Variants in MMP16 observed in about 807,000 individuals in gnomAD.
MMP16 encodes the protein matrix metallopeptidase 16, also known as matrix metalloproteinase-16.
In MMP16, 12 loss-of-function variants were observed where a neutral mutation model predicts 67.8. The observed-to-expected ratio is 0.18, with a 90% confidence interval of 0.11 to 0.29. The LOEUF (loss-of-function observed/expected upper bound fraction) is 0.29. Ranked by LOEUF, MMP16 falls within the 10% of genes least tolerant of loss-of-function variation. The pLI is 1.00. For missense variants in MMP16, 475 were observed against 765.7 expected (o/e 0.62, Z 4.48); for synonymous variants, 249 against 255.9 (o/e 0.97, Z 0.26).
At chr8:88,267,240 T>A (rs1810490008) in intron 1 of MMP16, among the ~76,000 whole-genome samples, 1 of 152,184 alleles carries the variant, frequency 6.6e-6, no homozygotes, top group South Asian at 2.1e-4. Context: ...TCTGTGGTCA[T>A]CCATTGCCAT....
intron 6 of MMP16, among the ~76,000 whole-genome samples, chr8:88,100,686 A>C (rs530120600): frequency 1.3e-5 from 2 of 152,152 alleles, no homozygotes; most frequent in South Asian, 4.1e-4. Context: ...ATGTATGTTT[A>C]TTGTGGCACT....
intron 4 of MMP16, among the ~76,000 whole-genome samples, chr8:88,146,269 C>T (rs1808288436): frequency 6.6e-6 from 1 of 151,798 alleles, no homozygotes; most frequent in South Asian, 2.1e-4. Context: ...CAAAATATAC[C>T]TTATATGTAA....
At chr8:88,067,575 C>T (rs1808479786) in intron 7 of MMP16, among the ~76,000 whole-genome samples, 1 of 151,944 alleles carries the variant, frequency 6.6e-6, no homozygotes, top group Admixed American at 6.6e-5. Context: ...TTCTTCACAC[C>T]CAACTCTTGC....
chr8:88,062,339 T>G (rs1808409887), intron 7 of MMP16, among the ~76,000 whole-genome samples: 1 of 152,112 alleles, frequency 6.6e-6, no homozygotes, highest in South Asian at 2.1e-4. Flanking sequence ...ATCATGCTGC[T>G]ATAAAGACAT....
chr8:88,127,735 T>C (rs2118462526), intron 4 of MMP16, among the ~76,000 whole-genome samples: 1 of 152,016 alleles, frequency 6.6e-6, no homozygotes, highest in Middle Eastern at 3.4e-3. Context: ...TACATTGGCT[T>C]TTCTCTGCAA....
chr8:88,087,514 T>C (rs1808853777), intron 6 of MMP16, among the ~76,000 whole-genome samples: 1 of 151,902 alleles, frequency 6.6e-6, no homozygotes, highest in African/African-American at 2.4e-5. Flanking sequence ...AGGGTTGAGC[T>C]AGAGCTAGGG....
chr8:88,082,053 CAATT>C (rs1446319820), intron 6 of MMP16, among the ~76,000 whole-genome samples: 4 of 152,016 alleles, frequency 2.6e-5, no homozygotes, highest in Non-Finnish European at 5.9e-5. Flanking sequence ...CACAAATGGT[CAATT>C]AATCTAATGT....
intron 1 of MMP16, among the ~76,000 whole-genome samples, chr8:88,204,144 T>G (rs755666359): frequency 3.9e-5 from 6 of 152,180 alleles, no homozygotes; most frequent in Non-Finnish European, 7.4e-5. Context: ...TAAAATAATC[T>G]GCCGAAAGAA....
chr8:88,241,707 CT>C (rs1396053910), intron 1 of MMP16, among the ~76,000 whole-genome samples: 2 of 151,878 alleles, frequency 1.3e-5, no homozygotes, highest in Non-Finnish European at 2.9e-5. Context: ...TTGGTGAGAA[CT>C]TTTTCCTTTT....
intron 7 of MMP16, among the ~76,000 whole-genome samples, chr8:88,064,145 G>T (rs1808434631): frequency 6.6e-6 from 1 of 152,082 alleles, no homozygotes; most frequent in Non-Finnish European, 1.5e-5. Flanking sequence ...ACCTTGCAAT[G>T]AAAGAGTTCA....
intron 2 of MMP16, among the ~76,000 whole-genome samples, chr8:88,189,764 G>T (rs139723185): frequency 2.9e-3 from 448 of 152,194 alleles, no homozygotes; most frequent in Non-Finnish European, 5.2e-3. Context: ...TTCACCCTGA[G>T]AATCCTAATT....
chr8:88,273,463 C>T (rs1810598714), intron 1 of MMP16, among the ~76,000 whole-genome samples: 1 of 152,070 alleles, frequency 6.6e-6, no homozygotes, highest in Non-Finnish European at 1.5e-5. Flanking sequence ...TGCCATTTCA[C>T]TCTGGTTAAT....
intron 1 of MMP16, among the ~76,000 whole-genome samples, chr8:88,248,780 T>C (rs902890491): frequency 1.5e-5 from 2 of 132,490 alleles, no homozygotes; most frequent in Non-Finnish European, 3.3e-5. Flanking sequence ...GCAGGTTGTA[T>C]TGGACATAGT....
Position 88,032,257 on chromosome 8 carries a change from T to C in MMP16, c.*9204A>G, listed in dbSNP as rs536996160. On this transcript the variant is annotated 3_prime_UTR_variant, in exon 10 of 10. Coordinates refer to ENST00000286614, the MANE Select transcript of MMP16 (RefSeq NM_005941.5). ...TCTTTGATTGCCATGGCAAGAACCA[T>C]GCTGATGATTCTAGCTTGTGACATT... 6.6e-6 allele frequency: 1 copy of C among 152,294 alleles called. No homozygotes were observed. The highest frequency in any genetic ancestry group is 2.4e-5 in the African/African-American group (1 of 41,572). 9.4% of individuals were successfully genotyped at this position (152,294 alleles called of 1,614,324 possible). A position where few individuals can be genotyped will look rare whatever the true frequency, so the allele number is the denominator to read the frequency against.
intron 6 of MMP16, among the ~76,000 whole-genome samples, chr8:88,091,562 C>T (rs1808936770): frequency 6.7e-6 from 1 of 150,014 alleles, no homozygotes; most frequent in African/African-American, 2.5e-5. Context: ...CACACACAAA[C>T]ACACACACTC....
intron 4 of MMP16, among the ~76,000 whole-genome samples, chr8:88,166,715 A>G (rs1808719026): frequency 1.4e-5 from 2 of 138,978 alleles, no homozygotes; most frequent in African/African-American, 5.3e-5. Flanking sequence ...ATATATATAT[A>G]TATATATATA....
chr8:88,280,233 T>C (rs1479757510), intron 1 of MMP16, among the ~76,000 whole-genome samples: 2 of 152,218 alleles, frequency 1.3e-5, no homozygotes, highest in African/African-American at 4.8e-5. Flanking sequence ...CTGAAGTTAA[T>C]ACTACAATGC....
intron 1 of MMP16, among the ~76,000 whole-genome samples, chr8:88,264,918 G>C (rs917638197): frequency 4.6e-5 from 7 of 152,320 alleles, no homozygotes; most frequent in Admixed American, 3.9e-4. Flanking sequence ...CAGACACTAG[G>C]ACAAGACGAC....
intron 2 of MMP16, among the ~76,000 whole-genome samples, chr8:88,191,670 G>C (rs552753777): frequency 7.9e-5 from 12 of 152,170 alleles, no homozygotes; most frequent in African/African-American, 2.9e-4. Context: ...CACACACACA[G>C]ACACACACAC....
Sources: allele counts gnomAD v4.1 joint callset (sites outside exome capture counted in the v4.1 genomes callset), GRCh38; gene constraint gnomAD v4.1.1; transcripts MANE v1.5; gene names NCBI Gene and HGNC (gene_info 2026-07-23, HGNC 2026-07-21).